CLHC1: variants seen among roughly 807,000 people sequenced by gnomAD.
CLHC1 encodes the protein clathrin heavy chain linker domain containing 1.
In CLHC1, 72 loss-of-function variants were observed where a neutral mutation model predicts 69.5. The ratio of observed to expected loss-of-function variants is 1.04; its 90% CI spans 0.86 to 1.26. The LOEUF (loss-of-function observed/expected upper bound fraction) is 1.26. Among genes scored for constraint, CLHC1 ranks in the 50% most tolerant of loss-of-function variants. The pLI is 0.00. For missense variants in CLHC1, 790 were observed against 679.3 expected (o/e 1.16, Z -1.81); for synonymous variants, 223 against 224.3 (o/e 0.99, Z 0.05).
At chr2:55,211,596 G>C (rs1673020852) in intron 5 of CLHC1, among the ~76,000 whole-genome samples, 1 of 149,756 alleles carries the variant, frequency 6.7e-6, no homozygotes, top group African/African-American at 2.5e-5. Context: ...CTTTAGTATA[G>C]AGTAGCTCAT....
rs755723762 is a variant in CLHC1 at position 55,209,881 on chromosome 2, T to C, written c.500-50A>G. Reference sequence around the variant, plus strand: ...ACACGACAAGCCATGTGTGGGACGCTTGTGCTCAAAGAGCAAGTCTTAGAA... The same window carrying C: ...ACACGACAAGCCATGTGTGGGACGCCTGTGCTCAAAGAGCAAGTCTTAGAA... On this transcript the variant is annotated intron_variant, in intron 5 of 12. Coordinates refer to ENST00000401408, the MANE Select transcript of CLHC1 (RefSeq NM_152385.4). 8.9e-6 allele frequency: 11 copies of C among 1,235,072 alleles called. 1 individual carries two copies. The Admixed American group carries it at 1.5e-4, about 17-fold the overall frequency. 76.5% of individuals were successfully genotyped at this position (1,235,072 alleles called of 1,614,324 possible). A position where few individuals can be genotyped will look rare whatever the true frequency, so the allele number is the denominator to read the frequency against.
rs1558495250 is a variant in CLHC1, at chr2:55,209,723, GGC to G, written c.606_607del (p.Pro203SerfsTer6). The G allele has an allele frequency of 6.2e-7, 1 of 1,613,490 alleles. No homozygotes were observed. Among genetic ancestry groups the G allele is most frequent in the Non-Finnish European group, 8.5e-7 (1 of 1,179,588 alleles). ...ATCTAAATCAGCCTTCCTCTGAGCTGGCACATATTTTATCAACATAGCTTGTT... is the reference window on the plus strand; with the variant it reads ...ATCTAAATCAGCCTTCCTCTGAGCTGACATATTTTATCAACATAGCTTGTT... On this transcript the variant is annotated frameshift_variant, in exon 6 of 13. Transcript: ENST00000401408. LOFTEE classifies it high-confidence loss of function.
intron 9 of CLHC1, among the ~76,000 whole-genome samples, chr2:55,204,880 A>G (rs1672292441): frequency 1.3e-5 from 2 of 152,174 alleles, no homozygotes; most frequent in African/African-American, 4.8e-5. Context: ...GTTAAAAATA[A>G]AAACAATTGA....
At chr2:55,230,357 G>A (rs1156617416) in intron 1 of CLHC1, among the ~76,000 whole-genome samples, 2 of 152,216 alleles carry the variant, frequency 1.3e-5, no homozygotes. Flanking sequence ...AATGGGAATT[G>A]CCATATATAA....
At chr2:55,188,601 C>T (rs2103756668) in intron 9 of CLHC1, among the ~76,000 whole-genome samples, 1 of 152,144 alleles carries the variant, frequency 6.6e-6, no homozygotes, top group African/African-American at 2.4e-5. Flanking sequence ...ATCTTAGATA[C>T]ATATCCCAGA....
Position 55,175,735 on chromosome 2 carries a change from C to T in CLHC1, c.*55G>A. 2 of 1,278,332 alleles carry T rather than the reference C, an allele frequency of 1.6e-6. No individual in the cohort carries two copies. Among genetic ancestry groups the T allele is most frequent in the South Asian group, 1.5e-5 (1 of 68,328 alleles). 79.2% of individuals were successfully genotyped at this position (1,278,332 alleles called of 1,614,324 possible). On this transcript the variant is annotated 3_prime_UTR_variant, in exon 13 of 13. Transcript: ENST00000401408. Reference sequence around the variant, plus strand: ...TAGTTACGTTAAAATCAGTTTTTCCCAACCAGCATACATAAGGTGTTGTAC... The same window carrying T: ...TAGTTACGTTAAAATCAGTTTTTCCTAACCAGCATACATAAGGTGTTGTAC...
At chr2:55,216,287 G>A (rs542515458) in intron 4 of CLHC1, among the ~76,000 whole-genome samples, 59 of 146,664 alleles carry the variant, frequency 4.0e-4, no homozygotes, top group Admixed American at 6.1e-4. Flanking sequence ...GCGAAACTCC[G>A]TCTCAAAAAA....
chr2:55,200,950 T>A (rs1341541880), intron 9 of CLHC1, among the ~76,000 whole-genome samples: 4 of 152,046 alleles, frequency 2.6e-5, no homozygotes, highest in Non-Finnish European at 4.4e-5. Flanking sequence ...AATGAAGAGA[T>A]TAACAAGGAA....
chr2:55,192,030 A>G (rs969247222), intron 9 of CLHC1, among the ~76,000 whole-genome samples: 2 of 152,086 alleles, frequency 1.3e-5, no homozygotes, highest in African/African-American at 4.8e-5. Flanking sequence ...AATAAATAAA[A>G]ACAAAACAAA....
intron 4 of CLHC1, among the ~76,000 whole-genome samples, chr2:55,213,979 C>G (rs1331685481): frequency 6.6e-6 from 1 of 152,044 alleles, no homozygotes; most frequent in African/African-American, 2.4e-5. Context: ...TAGTTGAAGG[C>G]AGGTCACAGT....
intron 2 of CLHC1, among the ~76,000 whole-genome samples, 159 bp from the exon 3 acceptor site, chr2:55,222,652 G>A (rs925028421): frequency 2.0e-5 from 3 of 152,112 alleles, no homozygotes; most frequent in Non-Finnish European, 2.9e-5. Flanking sequence ...AAGCGTGGTG[G>A]CTCATGCCTG....
In CLHC1 at chr2:55,228,121, C is replaced by T. The variant is rs1319139223; in HGVS notation, c.-172G>A. ...GCCACTGCTATGTTCTCCCATAATA[C>T]TGTGCACTTCCTCCATCATGGTATT... On this transcript the variant is annotated 5_prime_UTR_variant, in exon 2 of 13. Coordinates refer to ENST00000401408, the MANE Select transcript of CLHC1 (RefSeq NM_152385.4). The T allele has an allele frequency of 6.6e-6, 1 of 152,222 alleles. No homozygotes were observed. Among genetic ancestry groups the T allele is most frequent in the Non-Finnish European group, 1.5e-5 (1 of 68,060 alleles). 9.4% of individuals were successfully genotyped at this position (152,222 alleles called of 1,614,324 possible). A position where few individuals can be genotyped will look rare whatever the true frequency, so the allele number is the denominator to read the frequency against.
rs757844036 is a variant in CLHC1, at chr2:55,180,622, C to G, written c.1272G>C (p.Gln424His). 15 of 1,614,020 alleles carry G rather than the reference C, an allele frequency of 9.3e-6. No homozygotes were observed. In the East Asian group the frequency reaches 3.3e-4, roughly 36 times the overall value. ...GCAGGCCACATTCACTGTAGACAAT[C>G]TGAGCTAAAGCCAGGCACTTGGCCT... ...YNKAKCLALA[Q>H]IVYSECGLHK... The change falls in exon 11 of 13, where the codon CAG (glutamine) becomes CAC (histidine). Residue 424 changes from glutamine to histidine, a missense_variant. Gln to His is a conservative substitution (Grantham distance 24). Coordinates refer to ENST00000401408, the MANE Select transcript of CLHC1 (RefSeq NM_152385.4).
At chr2:55,180,764 C>T (rs1428805513) in intron 10 of CLHC1, 52 bp from the exon 11 acceptor site, 1 of 1,437,180 alleles carries the variant, frequency 7.0e-7, no homozygotes, top group Non-Finnish European at 9.8e-7. Flanking sequence ...TGATGAGTGG[C>T]TGAGACTGAA....
intron 10 of CLHC1, 106 bp from the exon 11 acceptor site, chr2:55,180,818 T>G: frequency 1.3e-6 from 1 of 773,934 alleles, no homozygotes. Context: ...TTCTACTACC[T>G]GTAAGAATTC....
intron 9 of CLHC1, among the ~76,000 whole-genome samples, chr2:55,183,145 A>C (rs1329263805): frequency 6.6e-6 from 1 of 152,144 alleles, no homozygotes; most frequent in African/African-American, 2.4e-5. Flanking sequence ...AGAAGCAAAC[A>C]TGTCTCCTGA....
chr2:55,178,758 A>C (rs1273548322), intron 11 of CLHC1, among the ~76,000 whole-genome samples: 1 of 152,138 alleles, frequency 6.6e-6, no homozygotes, highest in Non-Finnish European at 1.5e-5. Context: ...GAGCCTTTCA[A>C]GGACTACCCG....
chr2:55,181,696 T>C lies in CLHC1; in HGVS notation c.1055A>G (p.Glu352Gly). Residue 352 changes from glutamate to glycine, a missense_variant, in exon 10 of 13, where the codon GAG (glutamate) becomes GGG (glycine). Glu to Gly is a moderately conservative substitution (Grantham distance 98). Coordinates refer to ENST00000401408, the MANE Select transcript of CLHC1 (RefSeq NM_152385.4). ...AGCATGACTTGTGATAAAGAGGGCC[T>C]CAAAAAATAAGAGTAATGGAAGAGG... ...GKPLPLLLFFEALFITSHAFP... is the reference protein window; with the variant it reads ...GKPLPLLLFFGALFITSHAFP... The C allele has an allele frequency of 2.5e-6, 4 of 1,613,688 alleles. No homozygotes were observed. Among genetic ancestry groups the C allele is most frequent in the Non-Finnish European group, 3.4e-6 (4 of 1,179,824 alleles).
intron 1 of CLHC1, among the ~76,000 whole-genome samples, 182 bp from the exon 2 acceptor site, chr2:55,228,386 G>A (rs974466683): frequency 6.6e-6 from 1 of 152,228 alleles, no homozygotes; most frequent in African/African-American, 2.4e-5. Context: ...GACTTGTGGT[G>A]CTCTCAAACC....
Sources: gnomAD v4.1 joint callset for allele counts (sites outside exome capture counted in the v4.1 genomes callset) on GRCh38, gnomAD v4.1.1 for gene constraint, MANE v1.5 for transcripts, NCBI Gene and HGNC (gene_info 2026-07-23, HGNC 2026-07-21) for gene names.